The following SLC4A4 variants were observed in gnomAD, a reference collection of about 807,000 sequenced individuals.
SLC4A4 encodes solute carrier family 4 member 4, also known as electrogenic sodium bicarbonate cotransporter 1.
SLC4A4 carries 27 observed loss-of-function variants against 111.5 expected under a neutral mutation model. The ratio of observed to expected loss-of-function variants is 0.24; its 90% CI spans 0.18 to 0.33. The LOEUF (loss-of-function observed/expected upper bound fraction) is 0.33. Ranked by LOEUF, SLC4A4 falls within the 10% of genes least tolerant of loss-of-function variation. SLC4A4 has a pLI of 1.00. For synonymous variants in SLC4A4, 443 were observed against 463.4 expected, an observed-to-expected ratio of 0.96 and a Z score of 0.57; for missense variants, 909 against 1,315.5, an observed-to-expected ratio of 0.69 and a Z score of 4.78.
At chr4:71,536,482 A>ATC (rs1734487091) in intron 18 of SLC4A4, among the ~76,000 whole-genome samples, 1 of 103,934 alleles carries the variant, frequency 9.6e-6, no homozygotes, top group African/African-American at 3.3e-5. Flanking sequence ...ATATATATAT[A>ATC]TATATGTATA....
intron 7 of SLC4A4, among the ~76,000 whole-genome samples, chr4:71,426,821 G>A (rs1025611317): frequency 6.6e-6 from 1 of 151,980 alleles, no homozygotes; most frequent in African/African-American, 2.4e-5. Context: ...ACATAGCTTG[G>A]GTGTGGTGTG....
At chr4:71,184,550 A>G (rs976473626), upstream of SLC4A4, among the ~76,000 whole-genome samples, 2 of 152,240 alleles carry the variant, frequency 1.3e-5, no homozygotes, top group Non-Finnish European at 2.9e-5. Flanking sequence ...ATTAAAAAGT[A>G]AACAAATCAT....
intron 6 of SLC4A4, among the ~76,000 whole-genome samples, chr4:71,388,567 G>A (rs1293778190): frequency 6.7e-6 from 1 of 150,140 alleles, no homozygotes; most frequent in Non-Finnish European, 1.5e-5. Context: ...CATTCATGTT[G>A]GGGTCTTGCT....
At chr4:71,449,504 C>T (rs1294462682) in intron 9 of SLC4A4, among the ~76,000 whole-genome samples, 2 of 152,138 alleles carry the variant, frequency 1.3e-5, no homozygotes, top group Admixed American at 1.3e-4. Context: ...GTCACCCTCC[C>T]CTCAACCCCA....
At chr4:71,100,667 G>T (rs960998213) in intron 2 of SLC4A4, among the ~76,000 whole-genome samples, 3 of 152,192 alleles carry the variant, frequency 2.0e-5, no homozygotes, top group African/African-American at 7.2e-5. Flanking sequence ...GTCCCTGTTT[G>T]CAGATGGCAT....
chr4:71,169,418 C>T (rs1840087), intron 2 of SLC4A4, among the ~76,000 whole-genome samples: 27,602 of 152,022 alleles, frequency 0.18, 5,643 homozygotes, highest in African/African-American at 0.51. Context: ...CGATATCTCA[C>T]TGTGGTTCTG....
intron 1 of SLC4A4, among the ~76,000 whole-genome samples, chr4:71,234,465 G>A (rs1039043504): frequency 3.3e-5 from 5 of 152,208 alleles, no homozygotes; most frequent in African/African-American, 7.2e-5. Context: ...TCACTCTTTC[G>A]CCCAGGCTGG....
At chr4:71,329,811 C>T (rs936115126) in intron 3 of SLC4A4, among the ~76,000 whole-genome samples, 9 of 151,942 alleles carry the variant, frequency 5.9e-5, no homozygotes, top group African/African-American at 2.2e-4. Flanking sequence ...TTTATTTCTT[C>T]TCTTGTTTGA....
chr4:71,194,626 C>T (rs926809412), intron 1 of SLC4A4, among the ~76,000 whole-genome samples: 14 of 152,136 alleles, frequency 9.2e-5, no homozygotes, highest in South Asian at 4.1e-4. Context: ...GTAACACACA[C>T]GACTTGGAGA....
At chr4:71,502,794 G>T (rs903328172) in intron 16 of SLC4A4, among the ~76,000 whole-genome samples, 3 of 152,178 alleles carry the variant, frequency 2.0e-5, no homozygotes, top group African/African-American at 7.2e-5. Context: ...TGAGAAGAAT[G>T]TGTATTCTGT....
intron 3 of SLC4A4, among the ~76,000 whole-genome samples, chr4:71,320,861 C>G (rs538010536): frequency 2.6e-5 from 4 of 152,180 alleles, no homozygotes; most frequent in South Asian, 4.1e-4. Context: ...TAAATACTTT[C>G]TCTAACAGTT....
intron 2 of SLC4A4, among the ~76,000 whole-genome samples, chr4:71,093,043 C>T (rs1287734132): frequency 2.7e-5 from 4 of 148,654 alleles, no homozygotes; most frequent in African/African-American, 5.0e-5. Context: ...TGCAGTGAAC[C>T]GAGATCACGC....
chr4:71,303,547 G>A (rs1725440745), intron 3 of SLC4A4, among the ~76,000 whole-genome samples: 1 of 152,086 alleles, frequency 6.6e-6, no homozygotes, highest in Admixed American at 6.5e-5. Context: ...TTTTTGATTA[G>A]CTCCTTGGGA....
At chr4:71,309,206 C>T (rs1725935998) in intron 3 of SLC4A4, among the ~76,000 whole-genome samples, 1 of 152,168 alleles carries the variant, frequency 6.6e-6, no homozygotes, top group African/African-American at 2.4e-5. Flanking sequence ...AGGCAAGAGC[C>T]CCAGTCAGGG....
chr4:71,524,450 G>A (rs6820840), intron 16 of SLC4A4, among the ~76,000 whole-genome samples: 4,134 of 152,168 alleles, frequency 0.027, 185 homozygotes, highest in African/African-American at 0.092. Flanking sequence ...GACTTCCATT[G>A]TCAAGCTCCA....
rs766766737 is a variant in SLC4A4, at chr4:71,497,649, T to G, written c.2123T>G (p.Met708Arg). 1 of 1,613,698 alleles carries G rather than the reference T, an allele frequency of 6.2e-7. No homozygotes were observed. The highest frequency in any genetic ancestry group is 1.1e-5 in the South Asian group (1 of 91,072). ...TTCTTGGGAACCTACACCTCTTCCA[T>G]GGCTCTGAAAAAATTCAAAACTAGT... ...ILFLGTYTSS[M>R]ALKKFKTSPY... The change falls in exon 16 of 26, where the codon ATG becomes AGG. Residue 708 changes from methionine to arginine, a missense_variant. Transcript: ENST00000264485.
At chr4:71,179,320 C>T (rs546062631) in intron 2 of SLC4A4, among the ~76,000 whole-genome samples, 5 of 152,298 alleles carry the variant, frequency 3.3e-5, no homozygotes, top group African/African-American at 9.6e-5. Flanking sequence ...TCTCTCACCA[C>T]TCCTATTCAA....
chr4:71,089,665 C>T (rs1443782656), intron 1 of SLC4A4, among the ~76,000 whole-genome samples: 1 of 152,126 alleles, frequency 6.6e-6, no homozygotes, highest in Non-Finnish European at 1.5e-5. Context: ...AGGTCCAATA[C>T]AGACCCTGTT....
chr4:71,509,680 T>C (rs1409093284), intron 16 of SLC4A4, among the ~76,000 whole-genome samples: 1 of 152,146 alleles, frequency 6.6e-6, no homozygotes, highest in Non-Finnish European at 1.5e-5. Flanking sequence ...AATCTGGGGT[T>C]TGGGGACCAG....
Sources: gnomAD v4.1 joint callset for allele counts (sites outside exome capture counted in the v4.1 genomes callset) on GRCh38, gnomAD v4.1.1 for gene constraint, MANE v1.5 for transcripts, NCBI Gene and HGNC (gene_info 2026-07-23, HGNC 2026-07-21) for gene names.